LMTK3: variants seen among roughly 807,000 people sequenced by gnomAD.
LMTK3 encodes the protein lemur tail kinase 3, also known as serine/threonine-protein kinase LMTK3.
Under a neutral mutation model 116.7 loss-of-function variants are expected in LMTK3, and 27 were observed. The observed-to-expected ratio is 0.23, with a 90% CI of 0.17 to 0.32. The LOEUF (loss-of-function observed/expected upper bound fraction) is 0.32, where lower values mean the gene tolerates loss of function less well. Among genes scored for constraint, LMTK3 ranks in the 10% least tolerant of loss-of-function variants. LMTK3 has a pLI of 1.00. For missense variants in LMTK3, 1,764 were observed against 2,068.5 expected (o/e 0.85, Z 2.86); for synonymous variants, 965 against 971.0 (o/e 0.99, Z 0.11).
rs148285995 is a variant in LMTK3, at chr19:48,511,216, G to C, written c.76+285C>G. On this transcript the variant is annotated intron_variant, in intron 1 of 14. Coordinates refer to ENST00000600059, the MANE Select transcript of LMTK3 (RefSeq NM_001388485.1). ...CTGTCCTCTGCCCCCAATTCTCCCA[G>C]AGGCCCTGTCCTTCCCCTTCTTCCT... Among the ~76,000 whole-genome samples the C allele has an allele frequency of 3.5e-3, 539 of 152,308 alleles. 4 individuals carry two copies. Among genetic ancestry groups the C allele is most frequent in the African/African-American group, 0.012 (508 of 41,574 alleles).
intron 5 of LMTK3, among the ~76,000 whole-genome samples, chr19:48,503,506 C>T (rs1222940111): frequency 1.3e-5 from 2 of 151,984 alleles, no homozygotes; most frequent in East Asian, 1.9e-4. Flanking sequence ...CCTCCTTACA[C>T]CTCACCTCCA....
chr19:48,485,364 A>C lies in LMTK3; in HGVS notation c.*409T>G. 1 of 171,406 alleles carries C rather than the reference A, an allele frequency of 5.8e-6. No individual in the cohort carries two copies. 10.6% of individuals were successfully genotyped at this position (171,406 alleles called of 1,614,324 possible). Reference sequence around the variant, plus strand: ...GGCCCCTCCAGGGGCCGGGCTGGGGAGGGAAAGGGGAGACGCGAAATGGGG... The same window carrying C: ...GGCCCCTCCAGGGGCCGGGCTGGGGCGGGAAAGGGGAGACGCGAAATGGGG... On this transcript the variant is annotated 3_prime_UTR_variant, in exon 15 of 15. Transcript: ENST00000600059.
rs377369903 is a variant in LMTK3 at position 48,486,329 on chromosome 19, G to T, written c.4367-540C>A. ...CCGCCTCGGCCTCCCAAAGTGCTGG[G>T]ATTACAGGCGTGAGCCACCGCGCCC... On this transcript the variant is annotated intron_variant, in intron 14 of 14. Coordinates refer to ENST00000600059, the MANE Select transcript of LMTK3 (RefSeq NM_001388485.1). 8.7e-4 allele frequency among the ~76,000 whole-genome samples: 131 copies of T among 151,194 alleles called. 1 individual carries two copies. Among genetic ancestry groups the T allele is most frequent in the South Asian group, 5.0e-3 (24 of 4,810 alleles).
intron 14 of LMTK3, among the ~76,000 whole-genome samples, chr19:48,488,020 G>A (rs988211110): frequency 2.0e-5 from 3 of 152,218 alleles, no homozygotes; most frequent in South Asian, 2.1e-4. Flanking sequence ...TCAGCAGCTC[G>A]CAGCCCACGC....
Position 48,497,247 on chromosome 19 carries a change from G to A in LMTK3, c.3676+146C>T. ...GCCAAAGAGCTAGAGAGGGGGCTGAGCCACGATGTGAGCCCAGGTGGTGCA... is the reference window on the plus strand; with the variant it reads ...GCCAAAGAGCTAGAGAGGGGGCTGAACCACGATGTGAGCCCAGGTGGTGCA... On this transcript the variant is annotated intron_variant, in intron 11 of 14. Coordinates refer to ENST00000600059, the MANE Select transcript of LMTK3 (RefSeq NM_001388485.1). The surrounding 1 kb of genome is among the most constrained non-coding windows in gnomAD (Gnocchi z 5.7). The A allele has an allele frequency of 2.2e-6, 2 of 891,648 alleles. No homozygotes were observed. Among genetic ancestry groups the A allele is most frequent in the Non-Finnish European group, 3.0e-6 (2 of 660,840 alleles). The allele number at this position is 891,648 out of a possible 1,614,324, so 55.2% of individuals were successfully genotyped here.
rs1972340842 is a variant in LMTK3, at chr19:48,497,042, C to G, written c.3676+351G>C. On this transcript the variant is annotated intron_variant, in intron 11 of 14. Coordinates refer to ENST00000600059, the MANE Select transcript of LMTK3 (RefSeq NM_001388485.1). This position sits in a 1 kb window ranked among gnomAD's most constrained non-coding sequence, Gnocchi z 5.7. Reference sequence around the variant, plus strand: ...TGGGCATGAGTTTGAGACCCCTGGTCTAAGTGAGTTGCAATAATAAAAGCA... The same window carrying G: ...TGGGCATGAGTTTGAGACCCCTGGTGTAAGTGAGTTGCAATAATAAAAGCA... Among the ~76,000 whole-genome samples the G allele has an allele frequency of 6.6e-6, 1 of 152,208 alleles. No individual in the cohort carries two copies. Among genetic ancestry groups the G allele is most frequent in the East Asian group, 1.9e-4 (1 of 5,194 alleles).
At chr19:48,486,320 A>C (rs1231796247) in intron 14 of LMTK3, among the ~76,000 whole-genome samples, 1 of 150,662 alleles carries the variant, frequency 6.6e-6, no homozygotes, top group South Asian at 2.1e-4. Flanking sequence ...CGGCCTCCCA[A>C]AGTGCTGGGA....
In LMTK3 at chr19:48,508,717, T is replaced by C. The variant is rs56131545; in HGVS notation, c.557+134A>G. 0.016 allele frequency: 11,658 copies of C among 740,422 alleles called. 914 individuals are homozygous for C. The African/African-American group carries it at 0.17, about 11-fold the overall frequency. The allele number at this position is 740,422 out of a possible 1,614,324, so 45.9% of individuals were successfully genotyped here. On this transcript the variant is annotated intron_variant, in intron 5 of 14. Transcript: ENST00000600059. ...TCGGTCCAGAGGAAGAACCTGAGGT[T>C]CAGGGAGGGAAGTTCTCCTGCCAGA... is the stretch of plus-strand genomic sequence containing the variant.
At chr19:48,513,141 TTTCCC>T (rs1569109127), upstream of LMTK3, 1 of 1,600,280 alleles carries the variant, frequency 6.2e-7, no homozygotes, top group Non-Finnish European at 8.5e-7. This position sits in a 1 kb window ranked among gnomAD's most constrained non-coding sequence, Gnocchi z 5.6. Flanking sequence ...AATACCCACG[TTTCCC>T]GTGCGGTTAC....
At chr19:48,510,360 C>T in intron 2 of LMTK3, 99 bp downstream of exon 2, 5 of 1,484,654 alleles carry the variant, frequency 3.4e-6, no homozygotes, top group Non-Finnish European at 4.5e-6. Flanking sequence ...AAGGTGCTCT[C>T]GGATTTACTG....
chr19:48,495,261 C>T (rs545505831), intron 11 of LMTK3, among the ~76,000 whole-genome samples: 45 of 152,092 alleles, frequency 3.0e-4, no homozygotes, highest in Admixed American at 2.6e-4. Flanking sequence ...CCTCCCACCT[C>T]GGCCTCCCAA....
intron 1 of LMTK3, among the ~76,000 whole-genome samples, chr19:48,510,977 T>A (rs1221866407): frequency 6.6e-6 from 1 of 152,192 alleles, no homozygotes; most frequent in Non-Finnish European, 1.5e-5. Flanking sequence ...GGAGGAGGAC[T>A]AGCTCTCAGC....
At chr19:48,501,638 C>A in intron 7 of LMTK3, 76 bp from the exon 8 acceptor site, 1 of 1,396,574 alleles carries the variant, frequency 7.2e-7, no homozygotes, top group Non-Finnish European at 9.8e-7. Context: ...TTCACACTGA[C>A]TCCACCCCTC....
chr19:48,500,874 T>A lies in LMTK3; in HGVS notation c.1151+122A>T. ...GCAGAAAGGGTGGGGACAGCCCCTC[T>A]TCACTCTTGAGGGGTATGGAGGGCA... On this transcript the variant is annotated intron_variant, in intron 10 of 14. Transcript: ENST00000600059. The surrounding 1 kb of genome is among the most constrained non-coding windows in gnomAD (Gnocchi z 4.0). 8 of 973,498 alleles carry A rather than the reference T, an allele frequency of 8.2e-6. No individual in the cohort carries two copies. The highest frequency in any genetic ancestry group is 1.0e-5 in the Non-Finnish European group (7 of 685,848). The allele number at this position is 973,498 out of a possible 1,614,324, so 60.3% of individuals were successfully genotyped here.
Position 48,491,157 on chromosome 19 carries a change from C to G in LMTK3, c.4317G>C (p.Ala1439=). Residue 1439 remains alanine (A), a synonymous_variant, in exon 14 of 15, where the codon GCG becomes GCC. Transcript: ENST00000600059. This position sits in a 1 kb window ranked among gnomAD's most constrained non-coding sequence, Gnocchi z 5.1. ...GGGCGGGTGGCCCCGGGGTCTCCAG[C>G]GCAGGCGAGACGGAGAAGCGGGAGA... ...LCFSRFSVSP[A]LETPGPPARA... is the part of the protein sequence containing the mutation. 2 of 1,374,776 alleles carry G rather than the reference C, an allele frequency of 1.5e-6. No individual in the cohort carries two copies. The highest frequency in any genetic ancestry group is 1.9e-6 in the Non-Finnish European group (2 of 1,066,630). 85.2% of individuals were successfully genotyped at this position (1,374,776 alleles called of 1,614,324 possible).
intron 14 of LMTK3, among the ~76,000 whole-genome samples, chr19:48,489,985 C>G (rs1300944815): frequency 2.0e-5 from 3 of 151,250 alleles, no homozygotes; most frequent in Non-Finnish European, 4.4e-5. Flanking sequence ...GCGCTGGGAC[C>G]TGCCCGTGTG....
chr19:48,500,896 G>GA lies in LMTK3; in HGVS notation c.1151+99_1151+100insT. ...CTCTTCACTCTTGAGGGGTATGGAG[G>GA]GCAAACGGGATGTGGGTGATGTGGG... On this transcript the variant is annotated intron_variant, in intron 10 of 14. Transcript: ENST00000600059. This position sits in a 1 kb window ranked among gnomAD's most constrained non-coding sequence, Gnocchi z 4.0. 2 of 1,239,858 alleles carry GA rather than the reference G, an allele frequency of 1.6e-6. No homozygotes were observed. Among genetic ancestry groups the GA allele is most frequent in the Non-Finnish European group, 2.2e-6 (2 of 917,294 alleles). 76.8% of individuals were successfully genotyped at this position (1,239,858 alleles called of 1,614,324 possible).
intron 14 of LMTK3, among the ~76,000 whole-genome samples, chr19:48,486,638 C>T (rs148597659): frequency 0.013 from 1,998 of 151,700 alleles, 49 homozygotes; most frequent in African/African-American, 0.046. Context: ...CCTGGGTTCA[C>T]GCCATTCTCC....
intron 14 of LMTK3, among the ~76,000 whole-genome samples, chr19:48,489,489 C>A: frequency 6.6e-6 from 1 of 152,120 alleles, no homozygotes; most frequent in South Asian, 2.1e-4. Flanking sequence ...AGGAGAATCG[C>A]TTGAACCCGG....
Sources: allele counts gnomAD v4.1 joint callset (sites outside exome capture counted in the v4.1 genomes callset), GRCh38; gene constraint gnomAD v4.1.1; non-coding constraint Gnocchi (gnomAD v3.1); transcripts MANE v1.5; gene names NCBI Gene and HGNC (gene_info 2026-07-23, HGNC 2026-07-21).